Variants in PARD3B observed in about 807,000 individuals in gnomAD.
PARD3B encodes par-3 family cell polarity regulator beta.
A neutral mutation model predicts 130.2 loss-of-function variants in PARD3B; 103 were observed. The ratio of observed to expected loss-of-function variants is 0.79; its 90% CI spans 0.67 to 0.93. The LOEUF is 0.93. Ranked by LOEUF, PARD3B falls within the 40% of genes least tolerant of loss-of-function variation. PARD3B has a pLI of 0.00. For missense variants in PARD3B, 1,609 were observed against 1,499.2 expected, an observed-to-expected ratio of 1.07 and a Z score of -1.21; for synonymous variants, 583 against 553.2, an observed-to-expected ratio of 1.05 and a Z score of -0.76.
At chr2:204,728,557 A>T in intron 2 of PARD3B, among the ~76,000 whole-genome samples, 1 of 152,178 alleles carries the variant, frequency 6.6e-6, no homozygotes, top group East Asian at 1.9e-4. Flanking sequence ...TAATGGATTC[A>T]TTACATGATA....
chr2:204,948,643 GTATT>G (rs1168635282), intron 2 of PARD3B, among the ~76,000 whole-genome samples: 1 of 152,148 alleles, frequency 6.6e-6, no homozygotes, highest in Non-Finnish European at 1.5e-5. Context: ...CAGTTCCCCA[GTATT>G]TATCTTACAG....
chr2:204,833,659 A>G (rs2043916071), intron 2 of PARD3B, among the ~76,000 whole-genome samples: 1 of 152,028 alleles, frequency 6.6e-6, no homozygotes. Flanking sequence ...TTCCCTGCAC[A>G]AGTTCTGTCT....
intron 2 of PARD3B, 74 bp downstream of exon 2, chr2:204,686,356 A>G: frequency 9.2e-7 from 1 of 1,086,200 alleles, no homozygotes; most frequent in Non-Finnish European, 1.4e-6. Context: ...TGAAATCCTT[A>G]ACAAACTCAT....
At chr2:205,311,202 C>A (rs2042375077) in intron 18 of PARD3B, among the ~76,000 whole-genome samples, 1 of 152,106 alleles carries the variant, frequency 6.6e-6, no homozygotes, top group African/African-American at 2.4e-5. Context: ...GGTGATATTG[C>A]TGGAGTATAT....
intron 3 of PARD3B, among the ~76,000 whole-genome samples, chr2:205,014,838 A>G (rs1437512411): frequency 6.6e-6 from 1 of 152,208 alleles, no homozygotes; most frequent in African/African-American, 2.4e-5. Flanking sequence ...GTTTCTGTAA[A>G]GAAGTGAAAT....
At chr2:205,336,431 G>C (rs849219) in intron 18 of PARD3B, among the ~76,000 whole-genome samples, 137,788 of 152,294 alleles carry the variant, frequency 0.9, 62,498 homozygotes, top group Admixed American at 0.94. Flanking sequence ...ACATTTATGC[G>C]ACTTGGCTTG....
chr2:204,554,246 A>T (rs10177386), intron 1 of PARD3B, among the ~76,000 whole-genome samples: 1,665 of 152,100 alleles, frequency 0.011, 30 homozygotes, highest in African/African-American at 0.038. Context: ...GTGGTTCCAA[A>T]TACCACTGGG....
intron 20 of PARD3B, among the ~76,000 whole-genome samples, chr2:205,454,894 A>G (rs1039317586): frequency 1.3e-5 from 2 of 152,140 alleles, no homozygotes; most frequent in African/African-American, 4.8e-5. Flanking sequence ...TTTAAAGTCA[A>G]ACACAAGATA....
intron 1 of PARD3B, among the ~76,000 whole-genome samples, chr2:204,622,698 T>C (rs2125129868): frequency 6.6e-6 from 1 of 152,162 alleles, no homozygotes; most frequent in African/African-American, 2.4e-5. Flanking sequence ...CATAAGAGGG[T>C]AAGTAACATG....
chr2:204,835,898 C>A (rs538162951), intron 2 of PARD3B, among the ~76,000 whole-genome samples: 5 of 152,124 alleles, frequency 3.3e-5, no homozygotes, highest in Non-Finnish European at 7.4e-5. Context: ...TAAGCTATGG[C>A]GTGTTCTGTA....
Position 204,788,401 on chromosome 2 carries a change from G to A in PARD3B, c.222+102119G>A, listed in dbSNP as rs538565514. On this transcript the variant is annotated intron_variant, in intron 2 of 22. Transcript: ENST00000406610. ...ACCTCACATTGTACAAAAATGACAA[G>A]CTGCCTGTTACTCTGTGGATAATTT... is the stretch of plus-strand genomic sequence containing the variant. Among the ~76,000 whole-genome samples, 4 of 152,324 alleles carry A rather than the reference G, an allele frequency of 2.6e-5. No individual in the cohort carries two copies. In the South Asian group the frequency reaches 8.3e-4, roughly 32 times the overall value.
intron 19 of PARD3B, among the ~76,000 whole-genome samples, chr2:205,420,864 C>T (rs1403669597): frequency 6.6e-6 from 1 of 152,148 alleles, no homozygotes; most frequent in Admixed American, 6.5e-5. Context: ...GCAAAAGAGG[C>T]TGGGTGCTGT....
intron 21 of PARD3B, among the ~76,000 whole-genome samples, chr2:205,519,633 T>A (rs1165781742): frequency 6.6e-6 from 1 of 152,206 alleles, no homozygotes; most frequent in African/African-American, 2.4e-5. Flanking sequence ...GATGAGGTTG[T>A]TTGGAGGACA....
At chr2:205,299,675 G>A (rs1203106920) in intron 16 of PARD3B, among the ~76,000 whole-genome samples, 1 of 151,888 alleles carries the variant, frequency 6.6e-6, no homozygotes, top group South Asian at 2.1e-4. Context: ...AAGGAATGGA[G>A]TGGGAGGGGG....
At position 205,470,585 on chromosome 2, in the gene PARD3B, G is replaced by A. The variant is rs2048791574; in HGVS notation, c.3045-29311G>A. On this transcript the variant is annotated intron_variant, in intron 20 of 22. Coordinates refer to ENST00000406610, the MANE Select transcript of PARD3B (RefSeq NM_001302769.2). This position sits in a 1 kb window ranked among gnomAD's most constrained non-coding sequence, Gnocchi z 4.8. ...TAGATAATGAGAATTTAAGTTATAA[G>A]ATTTGTAAGGATCATGGAATAAAGG... is the stretch of plus-strand genomic sequence containing the variant. 6.6e-6 allele frequency among the ~76,000 whole-genome samples: 1 copy of A among 152,300 alleles called. No individual in the cohort carries two copies. Among genetic ancestry groups the A allele is most frequent in the South Asian group, 2.1e-4 (1 of 4,822 alleles).
intron 2 of PARD3B, among the ~76,000 whole-genome samples, chr2:204,957,849 T>G (rs1690399103): frequency 6.6e-6 from 1 of 152,212 alleles, no homozygotes; most frequent in Non-Finnish European, 1.5e-5. Flanking sequence ...TTACTTAGAT[T>G]TAATTGTGTT....
At chr2:204,777,494 C>T (rs1320820567) in intron 2 of PARD3B, among the ~76,000 whole-genome samples, 1 of 152,150 alleles carries the variant, frequency 6.6e-6, no homozygotes, top group African/African-American at 2.4e-5. Flanking sequence ...TCCTTCCAGG[C>T]ATAGTGGCCC....
chr2:204,670,088 C>G (rs929543421), intron 1 of PARD3B, among the ~76,000 whole-genome samples: 7 of 152,074 alleles, frequency 4.6e-5, no homozygotes, highest in African/African-American at 1.7e-4. Context: ...ACTAAAAGAT[C>G]TAAAAGAGTT....
intron 2 of PARD3B, among the ~76,000 whole-genome samples, chr2:204,935,181 T>C (rs72940460): frequency 0.016 from 2,340 of 150,800 alleles, 24 homozygotes; most frequent in Middle Eastern, 0.052. Flanking sequence ...TCTATCCTGT[T>C]CACATAAGAA....
Sources: gnomAD v4.1 joint callset for allele counts (sites outside exome capture counted in the v4.1 genomes callset) on GRCh38, gnomAD v4.1.1 for gene constraint, Gnocchi (gnomAD v3.1) non-coding constraint, MANE v1.5 for transcripts, NCBI Gene and HGNC (gene_info 2026-07-23, HGNC 2026-07-21) for gene names.